The following FRK variants were observed in gnomAD, a reference collection of about 807,000 sequenced individuals.
FRK encodes fyn related Src family tyrosine kinase.
A neutral mutation model predicts 56.4 loss-of-function variants in FRK; 51 were observed. The observed-to-expected ratio is 0.90, with a 90% confidence interval of 0.72 to 1.14. The LOEUF is 1.14. Ranked by LOEUF, FRK falls within the 50% of genes most tolerant of loss-of-function variation. The pLI, the probability that FRK is intolerant of heterozygous loss-of-function variation, is 0.00. For synonymous variants in FRK, 245 were observed against 217.9 expected, an observed-to-expected ratio of 1.12 and a Z score of -1.10; for missense variants, 570 against 601.4, an observed-to-expected ratio of 0.95 and a Z score of 0.55.
At chr6:116,028,620 A>G (rs1335518255) in intron 1 of FRK, among the ~76,000 whole-genome samples, 3 of 152,148 alleles carry the variant, frequency 2.0e-5, no homozygotes, top group Non-Finnish European at 4.4e-5. Flanking sequence ...TTGTAGATAC[A>G]TCACTCCAAT....
intron 3 of FRK, 37 bp downstream of exon 3, chr6:115,968,539 A>C (rs755661565): frequency 6.3e-7 from 1 of 1,584,582 alleles, no homozygotes; most frequent in Admixed American, 1.9e-5. Flanking sequence ...AAAAAAGTTA[A>C]CTTCAATAAA....
At chr6:116,016,298 G>A (rs1775651297) in intron 1 of FRK, among the ~76,000 whole-genome samples, 1 of 152,124 alleles carries the variant, frequency 6.6e-6, no homozygotes, top group African/African-American at 2.4e-5. Flanking sequence ...TCTATAGTAG[G>A]TTGACTATAG....
At position 115,938,953 on chromosome 6, in the gene FRK, G is replaced by A. The variant is rs1485365878; in HGVS notation, c.*3461C>T. On this transcript the variant is annotated 3_prime_UTR_variant, in exon 8 of 8. Coordinates refer to ENST00000606080, the MANE Select transcript of FRK (RefSeq NM_002031.3). The stretch of plus-strand genomic sequence containing the variant: ...AACTATTCCAAACAATAGGAAAAGA[G>A]GGACTCCTCCCTAACTCATTTTATG... The A allele has an allele frequency of 1.3e-5, 2 of 152,000 alleles. No individual in the cohort carries two copies. The highest frequency in any genetic ancestry group is 6.5e-5 in the Admixed American group (1 of 15,270). The allele number at this position is 152,000 out of a possible 1,614,324, so 9.4% of individuals were successfully genotyped here.
the FRK span, among the ~76,000 whole-genome samples, chr6:116,100,666 G>C: frequency 1.1e-4 from 17 of 152,172 alleles, no homozygotes; most frequent in Non-Finnish European, 2.1e-4. Context: ...ATCAGGAGTC[G>C]CCGGCATTGG....
intron 2 of FRK, among the ~76,000 whole-genome samples, chr6:115,997,358 A>G (rs1029993819): frequency 2.0e-5 from 3 of 152,088 alleles, no homozygotes; most frequent in Non-Finnish European, 4.4e-5. Flanking sequence ...TGCATACTCC[A>G]TGGGAACTCC....
chr6:116,059,914 C>A, intron 1 of FRK, 54 bp downstream of exon 1: 1 of 1,444,268 alleles, frequency 6.9e-7, no homozygotes, highest in Non-Finnish European at 9.5e-7. Context: ...AAGGAAAACT[C>A]ATTACCCAGC....
chr6:116,026,830 A>C (rs1776112300), intron 1 of FRK, among the ~76,000 whole-genome samples: 1 of 152,184 alleles, frequency 6.6e-6, no homozygotes, highest in African/African-American at 2.4e-5. Context: ...AGTAACCAAC[A>C]CCTGAAGAAA....
chr6:116,050,796 T>C (rs1777151742), intron 1 of FRK, among the ~76,000 whole-genome samples: 1 of 152,152 alleles, frequency 6.6e-6, no homozygotes, highest in Non-Finnish European at 1.5e-5. Flanking sequence ...GATAACTGAA[T>C]CTCATAGAAA....
chr6:115,960,182 G>C (rs866202866), intron 4 of FRK, among the ~76,000 whole-genome samples: 374 of 151,250 alleles, frequency 2.5e-3, no homozygotes, highest in African/African-American at 8.5e-3. Context: ...AGGCCAGTGT[G>C]TGCGCGCACC....
At chr6:116,013,905 A>G (rs1226467282) in intron 1 of FRK, among the ~76,000 whole-genome samples, 2 of 152,152 alleles carry the variant, frequency 1.3e-5, no homozygotes, top group Non-Finnish European at 2.9e-5. Context: ...AAAGTAAAAA[A>G]GAGGGAGCAT....
In FRK at chr6:115,933,093, C is replaced by T. The variant is rs1466963155; in HGVS notation, c.*9321G>A. The T allele has an allele frequency of 6.6e-6, 1 of 151,924 alleles. No homozygotes were observed. The highest frequency in any genetic ancestry group is 1.5e-5 in the Non-Finnish European group (1 of 68,006). The allele number at this position is 151,924 out of a possible 1,614,324, so 9.4% of individuals were successfully genotyped here. On this transcript the variant is annotated 3_prime_UTR_variant, in exon 8 of 8. Transcript: ENST00000606080. ...GACCTTAGGTAACTTAAATCTATTC[C>T]CTTATTTCCTTCCTTACCCTCTTTT...
intron 2 of FRK, among the ~76,000 whole-genome samples, chr6:115,976,396 C>G (rs981030940): frequency 6.6e-6 from 1 of 151,992 alleles, no homozygotes; most frequent in Non-Finnish European, 1.5e-5. Flanking sequence ...ATTCCAGAAA[C>G]TAAGTTTGGA....
At chr6:115,974,809 T>A (rs1773932047) in intron 2 of FRK, among the ~76,000 whole-genome samples, 1 of 152,116 alleles carries the variant, frequency 6.6e-6, no homozygotes, top group Non-Finnish European at 1.5e-5. Context: ...TCTGGCCCCT[T>A]CCTTTCCTCT....
rs1776162549 is a variant in FRK, at chr6:116,028,091, C to T, written c.345-24093G>A. On this transcript the variant is annotated intron_variant, in intron 1 of 7. Coordinates refer to ENST00000606080, the MANE Select transcript of FRK (RefSeq NM_002031.3). ...TGATACCAGATGTGTAGGAGGTTTT[C>T]CCCACACACCAAGCATTTCACCAGC... Among the ~76,000 whole-genome samples, 4 of 152,098 alleles carry T rather than the reference C, an allele frequency of 2.6e-5. No homozygotes were observed. The South Asian group carries it at 8.3e-4, about 32-fold the overall frequency.
chr6:116,039,607 T>TG, intron 1 of FRK: 1 of 775,080 alleles, frequency 1.3e-6, no homozygotes, highest in Non-Finnish European at 2.4e-6. Context: ...TGCCCCCTCT[T>TG]GCGGCCTCAT....
rs1255323688 is a variant in FRK at position 115,941,157 on chromosome 6, G to A, written c.*1257C>T. 6.6e-6 allele frequency: 1 copy of A among 152,172 alleles called. No homozygotes were observed. Among genetic ancestry groups the A allele is most frequent in the Non-Finnish European group, 1.5e-5 (1 of 68,024 alleles). 9.4% of individuals were successfully genotyped at this position (152,172 alleles called of 1,614,324 possible). A position where few individuals can be genotyped will look rare whatever the true frequency, so the allele number is the denominator to read the frequency against. ...GCACATAGACACTATGGAATACTATGCAGCCATAAAAAAGGATGAGTTCAT... is the reference window on the plus strand; with the variant it reads ...GCACATAGACACTATGGAATACTATACAGCCATAAAAAAGGATGAGTTCAT... On this transcript the variant is annotated 3_prime_UTR_variant, in exon 8 of 8. Coordinates refer to ENST00000606080, the MANE Select transcript of FRK (RefSeq NM_002031.3).
intron 2 of FRK, among the ~76,000 whole-genome samples, chr6:115,997,929 G>A (rs1349709372): frequency 2.0e-5 from 3 of 152,210 alleles, no homozygotes; most frequent in Non-Finnish European, 2.9e-5. Flanking sequence ...ATTTCCCACA[G>A]CACTTCAAGC....
chr6:115,979,973 A>G (rs1039986832), intron 2 of FRK, among the ~76,000 whole-genome samples: 1 of 152,174 alleles, frequency 6.6e-6, no homozygotes, highest in Admixed American at 6.6e-5. Flanking sequence ...TAAGTCATGC[A>G]TGACTATATT....
chr6:116,068,835 A>T, the FRK span, among the ~76,000 whole-genome samples: 7 of 130,146 alleles, frequency 5.4e-5, no homozygotes, highest in Non-Finnish European at 8.7e-5. Flanking sequence ...ATTCAGGTTT[A>T]AAAAAAAAAA....
Sources: allele counts gnomAD v4.1 joint callset (sites outside exome capture counted in the v4.1 genomes callset), GRCh38; gene constraint gnomAD v4.1.1; transcripts MANE v1.5; gene names NCBI Gene and HGNC (gene_info 2026-07-23, HGNC 2026-07-21).